SHC2: variants seen among roughly 807,000 people sequenced by gnomAD.
The protein encoded by SHC2 is SHC-transforming protein 2.
In SHC2, 62 loss-of-function variants were observed where a neutral mutation model predicts 60.6. The observed-to-expected ratio is 1.02, with a 90% CI of 0.83 to 1.26. SHC2 has a LOEUF of 1.26. Among genes scored for constraint, SHC2 ranks in the 50% most tolerant of loss-of-function variants. The probability of loss-of-function intolerance (pLI) is 0.00; values close to 1 mark genes in which losing one functional copy is unlikely to be tolerated. For synonymous variants in SHC2, 375 were observed against 372.4 expected, an observed-to-expected ratio of 1.01 and a Z score of -0.08; for missense variants, 873 against 822.2, an observed-to-expected ratio of 1.06 and a Z score of -0.76.
intron 12 of SHC2, 75 bp downstream of exon 12, chr19:418,848 G>A (rs545559380): frequency 6.7e-5 from 100 of 1,489,398 alleles, no homozygotes; most frequent in East Asian, 3.4e-4. Flanking sequence ...CACGTGAACC[G>A]GGTCTCAATT....
chr19:419,096 G>A (rs559965597), intron 11 of SHC2, 40 bp from the exon 12 acceptor site: 48 of 1,539,628 alleles, frequency 3.1e-5, no homozygotes, highest in Admixed American at 1.7e-4. Context: ...CCGGGAGCCC[G>A]CCTGGACCCG....
intron 11 of SHC2, among the ~76,000 whole-genome samples, chr19:420,818 G>A (rs2145686400): frequency 6.6e-6 from 1 of 152,206 alleles, no homozygotes; most frequent in East Asian, 1.9e-4. Flanking sequence ...TTGGGAGGCT[G>A]AGGTGGGTGG....
chr19:450,961 G>A (rs929105376), intron 1 of SHC2, among the ~76,000 whole-genome samples: 3 of 149,878 alleles, frequency 2.0e-5, no homozygotes, highest in African/African-American at 7.4e-5. Flanking sequence ...CCATACCATA[G>A]CCACGTCATA....
rs1210358526 is a variant in SHC2 at position 424,382 on chromosome 19, GC to G, written c.1309+714del. Reference sequence around the variant, plus strand: ...CAGGAAGCTGTGCCTCCCCCATCAGGCCGGGATTTCCGTAGGAAGAATCCTC... The same window carrying G: ...CAGGAAGCTGTGCCTCCCCCATCAGGCGGGATTTCCGTAGGAAGAATCCTC... On this transcript the variant is annotated intron_variant, in intron 10 of 12. Transcript: ENST00000264554. The surrounding 1 kb of genome is among the most constrained non-coding windows in gnomAD (Gnocchi z 4.5). 6.6e-6 allele frequency among the ~76,000 whole-genome samples: 1 copy of G among 151,490 alleles called. No homozygotes were observed. The highest frequency in any genetic ancestry group is 1.5e-5 in the Non-Finnish European group (1 of 67,766).
intron 11 of SHC2, among the ~76,000 whole-genome samples, chr19:420,044 G>A (rs1974232210): frequency 6.6e-6 from 1 of 152,238 alleles, no homozygotes; most frequent in Non-Finnish European, 1.5e-5. Flanking sequence ...GTGGCACTGG[G>A]AATGGGAGCT....
chr19:418,374 C>T (rs887418466), intron 12 of SHC2, among the ~76,000 whole-genome samples: 2 of 152,280 alleles, frequency 1.3e-5, no homozygotes, highest in African/African-American at 4.8e-5. Flanking sequence ...CACCCTCGGG[C>T]ACATATCCAC....
At position 438,821 on chromosome 19, in the gene SHC2, A is replaced by G; in HGVS notation, c.617T>C (p.Leu206Pro). The G allele has an allele frequency of 1.3e-6, 2 of 1,569,888 alleles. No homozygotes were observed. The highest frequency in any genetic ancestry group is 1.7e-6 in the Non-Finnish European group (2 of 1,158,570). ...GTTGCTCTTGCCCAGGACGGACGCC[A>G]GGGCCTTGTTGGGGGCCTGAGTTGG... ...SWKKKAPNKA[L>P]ASVLGKSNLR... Residue 206 changes from leucine (L) to proline (P), a missense_variant, in exon 4 of 13, where the codon CTG (leucine) becomes CCG (proline). Coordinates refer to ENST00000264554, the MANE Select transcript of SHC2 (RefSeq NM_012435.3). This position sits in a 1 kb window ranked among gnomAD's most constrained non-coding sequence, Gnocchi z 5.0.
intron 1 of SHC2, among the ~76,000 whole-genome samples, chr19:458,237 GGGAAGTGGGTTCCGGGGAGGC>G: frequency 8.6e-6 from 1 of 116,068 alleles, no homozygotes; most frequent in Non-Finnish European, 1.8e-5. Flanking sequence ...CCGGCGGAGG[GGGAAGTGGGTTCCGGGGAGGC>G]GGAAGCGGGT....
chr19:434,978 C>G (rs948785077), intron 7 of SHC2, 113 bp from the exon 8 acceptor site: 9 of 1,133,452 alleles, frequency 7.9e-6, no homozygotes, highest in East Asian at 2.6e-5. Flanking sequence ...CCCAGCCCCC[C>G]ACCTGTCACT....
At chr19:455,195 C>A (rs1187717321) in intron 1 of SHC2, among the ~76,000 whole-genome samples, 1 of 152,214 alleles carries the variant, frequency 6.6e-6, no homozygotes, top group Admixed American at 6.5e-5. Flanking sequence ...AACCCCAGAG[C>A]CGCCGACCCC....
chr19:451,911 C>T (rs2145750026), intron 1 of SHC2, among the ~76,000 whole-genome samples: 1 of 152,282 alleles, frequency 6.6e-6, no homozygotes, highest in Non-Finnish European at 1.5e-5. Flanking sequence ...CGTTTTTATA[C>T]AAGTTGGACT....
chr19:460,973 G>A lies in SHC2; in HGVS notation c.24C>T (p.Arg8=). The A allele has an allele frequency of 4.1e-6, 4 of 979,910 alleles. No individual in the cohort carries two copies. Among genetic ancestry groups the A allele is most frequent in the Non-Finnish European group, 4.8e-6 (4 of 825,328 alleles). 60.7% of individuals were successfully genotyped at this position (979,910 alleles called of 1,614,324 possible). A position where few individuals can be genotyped will look rare whatever the true frequency, so the allele number is the denominator to read the frequency against. Residue 8 remains arginine (R), a synonymous_variant, in exon 1 of 13, where the codon CGC becomes CGT. Transcript: ENST00000264554. MTQGPGG[R]APPAPPAPPE... ...GGGGCGCGGGGGGCGCCGGGGGCGC[G>A]CGCCCGCCCGGACCCTGCGTCATGG...
chr19:422,195 A>G lies in SHC2; in HGVS notation c.1571T>C (p.Met524Thr), dbSNP rs1358480014. 1.2e-6 allele frequency: 2 copies of G among 1,612,418 alleles called. No individual in the cohort carries two copies. The highest frequency in any genetic ancestry group is 1.7e-6 in the Non-Finnish European group (2 of 1,179,650). Reference protein sequence around the residue: ...TNPGQYVLTGMHAGQPKHLLL... With the variant: ...TNPGQYVLTGTHAGQPKHLLL... ...CAGGTGCTTGGGCTGCCCGGCGTGC[A>G]TGCCGGTGAGGACATACTGCCCGGG... Residue 524 changes from methionine (M) to threonine (T), a missense_variant, in exon 11 of 13, where the codon ATG becomes ACG. Physicochemically the swap from Met to Thr is moderately conservative, Grantham distance 81 (BLOSUM62 -1). Coordinates refer to ENST00000264554, the MANE Select transcript of SHC2 (RefSeq NM_012435.3). The surrounding 1 kb of genome is among the most constrained non-coding windows in gnomAD (Gnocchi z 5.0).
chr19:450,207 C>T (rs1975146392), intron 1 of SHC2, among the ~76,000 whole-genome samples: 1 of 152,180 alleles, frequency 6.6e-6, no homozygotes, highest in South Asian at 2.1e-4. Flanking sequence ...ACCGAACTGT[C>T]CCCAGGGCCT....
At chr19:460,260 T>G (rs1397470341) in intron 1 of SHC2, among the ~76,000 whole-genome samples, 1 of 151,670 alleles carries the variant, frequency 6.6e-6, no homozygotes, top group Non-Finnish European at 1.5e-5. Flanking sequence ...CCAGTCCGAG[T>G]GGGGGGCGGT....
At chr19:454,288 A>T (rs1227538664) in intron 1 of SHC2, among the ~76,000 whole-genome samples, 1 of 152,170 alleles carries the variant, frequency 6.6e-6, no homozygotes, top group Non-Finnish European at 1.5e-5. Context: ...GGCTGGGCTC[A>T]TGAGACCCAC....
At chr19:434,931 G>C (rs763990013) in intron 7 of SHC2, 66 bp from the exon 8 acceptor site, 1 of 1,482,772 alleles carries the variant, frequency 6.7e-7, no homozygotes. Flanking sequence ...CTTACGGCTT[G>C]AGCTTCTGGG....
At chr19:439,833 C>G (rs1349122198) in intron 2 of SHC2, among the ~76,000 whole-genome samples, 1 of 151,990 alleles carries the variant, frequency 6.6e-6, no homozygotes, top group Admixed American at 6.6e-5. Flanking sequence ...CGAGACCGGT[C>G]TGACCAACAT....
chr19:421,995 T>A, intron 11 of SHC2, 151 bp downstream of exon 11: 1 of 774,716 alleles, frequency 1.3e-6, no homozygotes, highest in African/African-American at 1.8e-5. Flanking sequence ...TTCATAAACA[T>A]GGAAAGCTCC....
Sources: gnomAD v4.1 joint callset for allele counts (sites outside exome capture counted in the v4.1 genomes callset) on GRCh38, gnomAD v4.1.1 for gene constraint, Gnocchi (gnomAD v3.1) non-coding constraint, MANE v1.5 for transcripts, NCBI Gene and HGNC (gene_info 2026-07-23, HGNC 2026-07-21) for gene names.